FAHD2B: variants seen among roughly 807,000 people sequenced by gnomAD.
The protein encoded by FAHD2B is oxaloacetate tautomerase FAHD2B, mitochondrial.
In FAHD2B, 26 loss-of-function variants were observed where a neutral mutation model predicts 33.7. That is an observed-to-expected ratio of 0.77 (90% CI 0.57 to 1.07). The LOEUF (loss-of-function observed/expected upper bound fraction) is 1.07, where lower values mean the gene tolerates loss of function less well. FAHD2B is among the 50% of genes least tolerant of loss of function. The pLI is 0.00. For synonymous variants in FAHD2B, 108 were observed against 150.9 expected, an observed-to-expected ratio of 0.72 and a Z score of 2.08; for missense variants, 272 against 388.1, an observed-to-expected ratio of 0.70 and a Z score of 2.51.
downstream of FAHD2B, chr2:97,082,291 C>T: frequency 6.3e-7 from 1 of 1,581,316 alleles, no homozygotes; most frequent in African/African-American, 1.4e-5. Flanking sequence ...CCGCCTTCCT[C>T]CGCCAGGGCC....
chr2:97,092,965 CAAAAAAAAAAAA>C (rs748844060), intron 1 of FAHD2B, among the ~76,000 whole-genome samples: 3 of 64,220 alleles, frequency 4.7e-5, no homozygotes, highest in Non-Finnish European at 6.3e-5. Context: ...AGAGCGACTC[CAAAAAAAAAAAA>C]AAAAAAAAAA....
At chr2:97,080,304 C>T (rs1018851930), downstream of FAHD2B, among the ~76,000 whole-genome samples, 1 of 152,084 alleles carries the variant, frequency 6.6e-6, no homozygotes, top group Non-Finnish European at 1.5e-5. Context: ...TCAATTTGCA[C>T]ATATGGCTAG....
intron 6 of FAHD2B, among the ~76,000 whole-genome samples, chr2:97,084,506 G>C (rs2031832031): frequency 6.6e-6 from 1 of 151,884 alleles, no homozygotes; most frequent in Non-Finnish European, 1.5e-5. Context: ...TGAATGAGTT[G>C]AGAGGATGTT....
At chr2:97,085,923 G>A in intron 5 of FAHD2B, 62 bp from the exon 6 acceptor site, 1 of 1,604,562 alleles carries the variant, frequency 6.2e-7, no homozygotes, top group Non-Finnish European at 8.5e-7. Flanking sequence ...CAACACCTGT[G>A]GCAAGGGATC....
At chr2:97,081,742 G>A (rs1388076728), downstream of FAHD2B, among the ~76,000 whole-genome samples, 3 of 148,560 alleles carry the variant, frequency 2.0e-5, no homozygotes, top group Non-Finnish European at 4.4e-5. Context: ...GGATAGCACT[G>A]GACATGTGTG....
chr2:97,093,030 C>T (rs1184382780), intron 1 of FAHD2B, among the ~76,000 whole-genome samples: 1 of 151,154 alleles, frequency 6.6e-6, no homozygotes, highest in Non-Finnish European at 1.5e-5. Context: ...GAGTCCAAGG[C>T]TCCACTTAAA....
chr2:97,087,686 CTCCA>C (rs2032080741), intron 4 of FAHD2B, among the ~76,000 whole-genome samples: 1 of 152,038 alleles, frequency 6.6e-6, no homozygotes. Context: ...GTGACAGAGA[CTCCA>C]TCACAAAAGA....
At chr2:97,078,926 T>C (rs1394912453), downstream of FAHD2B, among the ~76,000 whole-genome samples, 1 of 151,994 alleles carries the variant, frequency 6.6e-6, no homozygotes, top group Non-Finnish European at 1.5e-5. Flanking sequence ...CCCTCCATCC[T>C]CTGGTAGGCC....
downstream of FAHD2B, chr2:97,082,175 A>T: frequency 1.3e-6 from 2 of 1,530,898 alleles, no homozygotes; most frequent in Non-Finnish European, 1.8e-6. Context: ...AGCTGCACTC[A>T]CCCCGGCCTG....
At chr2:97,084,910 CAAA>C (rs11314789) in intron 6 of FAHD2B, among the ~76,000 whole-genome samples, 4 of 67,926 alleles carry the variant, frequency 5.9e-5, no homozygotes, top group African/African-American at 8.5e-5. Context: ...AAGACCATGC[CAAA>C]AAAAAAAAAA....
downstream of FAHD2B, among the ~76,000 whole-genome samples, chr2:97,079,671 CTTT>C (rs1036092146): frequency 1.4e-5 from 2 of 143,818 alleles, no homozygotes; most frequent in South Asian, 4.5e-4. Context: ...CTTTTCTTTT[CTTT>C]TTTTTTTTGA....
At chr2:97,089,710 A>G (rs1224689685) in intron 4 of FAHD2B, 2 of 191,818 alleles carry the variant, frequency 1.0e-5, no homozygotes, top group African/African-American at 4.7e-5. Flanking sequence ...TATGTCAGGG[A>G]GAATATTTAA....
At chr2:97,080,964 T>C, downstream of FAHD2B, 1 of 699,152 alleles carries the variant, frequency 1.4e-6, no homozygotes, top group South Asian at 4.9e-5. Context: ...TGAAGTTGCT[T>C]ATCAGCTTAA....
chr2:97,085,820 A>G lies in FAHD2B; in HGVS notation c.564T>C (p.Ala188=), dbSNP rs2031944361. The G allele has an allele frequency of 6.2e-7, 1 of 1,613,718 alleles. No individual in the cohort carries two copies. The highest frequency in any genetic ancestry group is 1.1e-5 in the South Asian group (1 of 90,998). The change falls in exon 6 of 9, where the codon GCT becomes GCC. Residue 188 remains alanine (A), a synonymous_variant. Transcript: ENST00000414820. ...AMAHVAGFTV[A]HDVSARDWLT... ...GCCAGTCACGAGCACTCACGTCATG[A>G]GCCACAGTGAAGCCGGCCACGTGGG...
At chr2:97,082,866 G>A (rs2031703162), downstream of FAHD2B, 4 of 831,620 alleles carry the variant, frequency 4.8e-6, no homozygotes, top group Admixed American at 3.8e-5. Flanking sequence ...TGGCCTGATG[G>A]TGCCTCATTA....
chr2:97,093,084 C>T (rs1454854367), intron 1 of FAHD2B, among the ~76,000 whole-genome samples: 4 of 151,944 alleles, frequency 2.6e-5, no homozygotes, highest in Non-Finnish European at 5.9e-5. Flanking sequence ...CAAGTCTGGC[C>T]ACTATTCCTT....
chr2:97,078,809 T>C (rs1299309962), downstream of FAHD2B, among the ~76,000 whole-genome samples: 1 of 152,142 alleles, frequency 6.6e-6, no homozygotes, highest in Non-Finnish European at 1.5e-5. Flanking sequence ...GCAGGTTTGT[T>C]ACATAGGTAA....
chr2:97,083,232 G>A, downstream of FAHD2B: 1 of 1,608,836 alleles, frequency 6.2e-7, no homozygotes, highest in Non-Finnish European at 8.5e-7. Flanking sequence ...AACTAGAACA[G>A]TTCATCCGGC....
chr2:97,081,494 C>G, downstream of FAHD2B: 2 of 1,579,964 alleles, frequency 1.3e-6, no homozygotes, highest in Non-Finnish European at 1.7e-6. Flanking sequence ...TCATCCAATG[C>G]GGGCTCCTGG....
Sources: gnomAD v4.1 joint callset for allele counts (sites outside exome capture counted in the v4.1 genomes callset) on GRCh38, gnomAD v4.1.1 for gene constraint, MANE v1.5 for transcripts, NCBI Gene and HGNC (gene_info 2026-07-23, HGNC 2026-07-21) for gene names.